CYYR1: variants seen among roughly 807,000 people sequenced by gnomAD.
CYYR1 encodes cysteine and tyrosine rich 1.
Under a neutral mutation model 15.2 loss-of-function variants are expected in CYYR1, and 14 were observed. That is an observed-to-expected ratio of 0.92 (90% CI 0.61 to 1.44). The LOEUF (loss-of-function observed/expected upper bound fraction) is 1.44. CYYR1 is among the 40% of genes most tolerant of loss of function. The pLI is 0.00. For synonymous variants in CYYR1, 80 were observed against 77.4 expected (o/e 1.03, Z -0.18); for missense variants, 228 against 209.5 (o/e 1.09, Z -0.54).
intron 2 of CYYR1, among the ~76,000 whole-genome samples, chr21:26,523,589 C>G (rs2065828627): frequency 6.6e-6 from 1 of 152,162 alleles, no homozygotes; most frequent in African/African-American, 2.4e-5. Flanking sequence ...CTCATTCACT[C>G]AGTTATGATG....
At chr21:26,476,037 T>G (rs568622600) in intron 3 of CYYR1, among the ~76,000 whole-genome samples, 11 of 152,146 alleles carry the variant, frequency 7.2e-5, no homozygotes, top group Non-Finnish European at 7.4e-5. Context: ...CTAAAAAGGT[T>G]TGATGAGTAC....
At chr21:26,476,396 G>T (rs910296711) in intron 3 of CYYR1, among the ~76,000 whole-genome samples, 4 of 152,078 alleles carry the variant, frequency 2.6e-5, no homozygotes, top group Non-Finnish European at 5.9e-5. Context: ...TAAGACCTGC[G>T]AATATCCTTC....
chr21:26,484,533 C>A (rs987042949), intron 2 of CYYR1, among the ~76,000 whole-genome samples: 1 of 151,888 alleles, frequency 6.6e-6, no homozygotes, highest in African/African-American at 2.4e-5. Flanking sequence ...ATAAATAAAT[C>A]TTTTCAAGAA....
intron 2 of CYYR1, among the ~76,000 whole-genome samples, chr21:26,558,875 G>C (rs1342837247): frequency 1.3e-5 from 2 of 152,124 alleles, no homozygotes; most frequent in Non-Finnish European, 2.9e-5. Context: ...TTGGTCTTCT[G>C]ATGGAGGTGT....
chr21:26,527,122 G>A (rs1023953338), intron 2 of CYYR1, among the ~76,000 whole-genome samples: 3 of 152,160 alleles, frequency 2.0e-5, no homozygotes, highest in African/African-American at 4.8e-5. Flanking sequence ...GCTATCCCAC[G>A]TAACTCTATT....
At chr21:26,529,420 C>T (rs2065903862) in intron 2 of CYYR1, among the ~76,000 whole-genome samples, 1 of 152,312 alleles carries the variant, frequency 6.6e-6, no homozygotes, top group South Asian at 2.1e-4. Context: ...AAATGCCATG[C>T]AATGCATTTA....
At chr21:26,482,368 GC>G in intron 2 of CYYR1, 1 of 985,178 alleles carries the variant, frequency 1.0e-6, no homozygotes. Flanking sequence ...ATTATCAGTA[GC>G]TTTTTCATAC....
At chr21:26,499,148 A>C (rs970459451) in intron 2 of CYYR1, among the ~76,000 whole-genome samples, 1 of 152,242 alleles carries the variant, frequency 6.6e-6, no homozygotes, top group African/African-American at 2.4e-5. Flanking sequence ...TCCATGTTCT[A>C]ATTCCCTGAA....
chr21:26,494,622 A>G (rs776851462), intron 2 of CYYR1, among the ~76,000 whole-genome samples: 2 of 152,054 alleles, frequency 1.3e-5, no homozygotes, highest in Non-Finnish European at 1.5e-5. Flanking sequence ...GGTGTGGAAG[A>G]TATCTTCTGT....
chr21:26,476,576 CCTAT>C (rs1439423384), intron 3 of CYYR1, among the ~76,000 whole-genome samples: 6 of 132,454 alleles, frequency 4.5e-5, no homozygotes, highest in Non-Finnish European at 8.0e-5. Flanking sequence ...GTTTGTCTAC[CCTAT>C]CTATCATCTA....
rs79720993 is a variant in CYYR1 at position 26,548,806 on chromosome 21, G to C, written c.176+17460C>G. Among the ~76,000 whole-genome samples the C allele has an allele frequency of 5.3e-4, 81 of 152,256 alleles. No individual in the cohort carries two copies. In the East Asian group the frequency reaches 0.013, roughly 24 times the overall value. On this transcript the variant is annotated intron_variant, in intron 2 of 3. Coordinates refer to ENST00000652641, the MANE Select transcript of CYYR1 (RefSeq NM_001320768.2). The stretch of plus-strand genomic sequence containing the variant: ...TCTGGGAAAGTGTTATTTTTAGAAA[G>C]TACTCCTAGGTGATTTTAGTGCATA...
At position 26,526,122 on chromosome 21, in the gene CYYR1, A is replaced by C. The variant is rs2065861759; in HGVS notation, c.176+40144T>G. ...CAACAAACCCCCACGACACAAGTTT[A>C]CTTATGTAACAAACCTAAACATGTA... On this transcript the variant is annotated intron_variant, in intron 2 of 3. Coordinates refer to ENST00000652641, the MANE Select transcript of CYYR1 (RefSeq NM_001320768.2). Among the ~76,000 whole-genome samples the C allele has an allele frequency of 2.0e-5, 3 of 152,148 alleles. No individual in the cohort carries two copies. The South Asian group carries it at 6.2e-4, about 32-fold the overall frequency.
At chr21:26,541,462 T>C (rs1159737816) in intron 2 of CYYR1, among the ~76,000 whole-genome samples, 5 of 152,164 alleles carry the variant, frequency 3.3e-5, no homozygotes, top group Admixed American at 2.0e-4. Flanking sequence ...ATGACATCTT[T>C]AAAAGTGCCA....
At chr21:26,555,876 C>T (rs767507860) in intron 2 of CYYR1, among the ~76,000 whole-genome samples, 33 of 152,106 alleles carry the variant, frequency 2.2e-4, no homozygotes, top group Non-Finnish European at 4.1e-4. Flanking sequence ...TTCTTCCCTC[C>T]TCAATTTTAT....
In CYYR1 at chr21:26,512,007, C is replaced by G. The variant is rs138635077; in HGVS notation, c.177-31578G>C. Among the ~76,000 whole-genome samples the G allele has an allele frequency of 3.4e-3, 510 of 152,060 alleles. 2 individuals are homozygous for G. The highest frequency in any genetic ancestry group is 0.014 in the Middle Eastern group (4 of 294). ...ACACATACACACACACACACACACA[C>G]ACACACTCTGCTTGAAGTACGGCAG... On this transcript the variant is annotated intron_variant, in intron 2 of 3. Coordinates refer to ENST00000652641, the MANE Select transcript of CYYR1 (RefSeq NM_001320768.2).
chr21:26,566,877 T>A (rs969951082), intron 1 of CYYR1, among the ~76,000 whole-genome samples: 1 of 151,888 alleles, frequency 6.6e-6, no homozygotes, highest in Non-Finnish European at 1.5e-5. Flanking sequence ...GGTGTCGTGG[T>A]GCACACCTGT....
At chr21:26,529,348 A>G (rs1397781850) in intron 2 of CYYR1, among the ~76,000 whole-genome samples, 1 of 151,742 alleles carries the variant, frequency 6.6e-6, no homozygotes, top group Non-Finnish European at 1.5e-5. Context: ...AACTGGCTAT[A>G]AATTACCTTT....
At position 26,490,315 on chromosome 21, in the gene CYYR1, A is replaced by AAT. The variant is rs1555904622; in HGVS notation, c.177-9888_177-9887dup. On this transcript the variant is annotated intron_variant, in intron 2 of 3. Transcript: ENST00000652641. The stretch of plus-strand genomic sequence containing the variant: ...ACCCTGTCTCAAAAAATTTAAAAAA[A>AAT]ATATATATATATTGAGCATCACTAC... Among the ~76,000 whole-genome samples, 14 of 151,890 alleles carry AAT rather than the reference A, an allele frequency of 9.2e-5. No homozygotes were observed. The South Asian group carries it at 2.1e-3, about 23-fold the overall frequency.
intron 3 of CYYR1, chr21:26,477,821 GGTATAAA>G: frequency 8.5e-7 from 1 of 1,175,356 alleles, no homozygotes; most frequent in Admixed American, 4.5e-5. Context: ...AAAATTCAGA[GGTATAAA>G]TAATAATAAA....
Sources: gnomAD v4.1 joint callset for allele counts (sites outside exome capture counted in the v4.1 genomes callset) on GRCh38, gnomAD v4.1.1 for gene constraint, MANE v1.5 for transcripts, NCBI Gene and HGNC (gene_info 2026-07-23, HGNC 2026-07-21) for gene names.